The following ATPSCKMT variants were observed in gnomAD, a reference collection of about 807,000 sequenced individuals.
ATPSCKMT encodes the protein ATP synthase c subunit lysine N-methyltransferase, also known as ATP synthase subunit C lysine N-methyltransferase.
Under a neutral mutation model 24.3 loss-of-function variants are expected in ATPSCKMT, and 24 were observed. That is an observed-to-expected ratio of 0.99 (90% CI 0.71 to 1.39). The LOEUF is 1.39. ATPSCKMT is among the 40% of genes most tolerant of loss of function. The pLI is 0.00. For missense variants in ATPSCKMT, 311 were observed against 298.4 expected, an observed-to-expected ratio of 1.04 and a Z score of -0.31; for synonymous variants, 95 against 110.5, an observed-to-expected ratio of 0.86 and a Z score of 0.88.
chr5:10,245,064 C>T (rs139637329), intron 1 of ATPSCKMT, among the ~76,000 whole-genome samples: 8 of 152,236 alleles, frequency 5.3e-5, no homozygotes, highest in African/African-American at 1.9e-4. Flanking sequence ...AGTTGTTTAA[C>T]ACAAGGTAAG....
At position 10,239,329 on chromosome 5, in the gene ATPSCKMT, T is replaced by G; in HGVS notation, c.44A>C (p.Glu15Ala). 1.2e-6 allele frequency: 2 copies of G among 1,614,114 alleles called. No homozygotes were observed. The highest frequency in any genetic ancestry group is 1.7e-6 in the Non-Finnish European group (2 of 1,180,008). The change falls in exon 2 of 5, where the codon GAA (glutamate) becomes GCA (alanine). Residue 15 changes from glutamate (E) to alanine (A), a missense_variant. Coordinates refer to ENST00000511437, the MANE Select transcript of ATPSCKMT (RefSeq NM_199133.4). ...AGGTAGAACATGTCTTGACTGACTT[T>G]CTTCTTTAAGTGTTTCTAGGGGTAT... ...GGIPLETLKE[E>A]SQSRHVLPAS...
chr5:10,239,238 A>G lies in ATPSCKMT; in HGVS notation c.135T>C (p.Gly45=). ...NWGFLLTGLV[G]GTLVAVYAVA... ...CAGCGTACACAGCCACCAGGGTGCC[A>G]CCCACAAGCCCAGTAAGTAAGAACC... Residue 45 remains glycine, a synonymous_variant, in exon 2 of 5, where the codon GGT becomes GGC. Transcript: ENST00000511437. 1 of 1,614,190 alleles carries G rather than the reference A, an allele frequency of 6.2e-7. No homozygotes were observed. Among genetic ancestry groups the G allele is most frequent in the South Asian group, 1.1e-5 (1 of 91,088 alleles).
chr5:10,244,909 C>CAAA (rs60578858), intron 1 of ATPSCKMT, among the ~76,000 whole-genome samples: 86 of 137,194 alleles, frequency 6.3e-4, no homozygotes, highest in East Asian at 2.3e-3. Flanking sequence ...CCCTGGTTGT[C>CAAA]AAAAAAAAAA....
In ATPSCKMT at chr5:10,246,629, G is replaced by C. The variant is rs2607304; in HGVS notation, c.16+3229C>G. 5.3e-5 allele frequency among the ~76,000 whole-genome samples: 8 copies of C among 152,268 alleles called. No homozygotes were observed. The East Asian group carries it at 1.5e-3, about 29-fold the overall frequency. On this transcript the variant is annotated intron_variant, in intron 1 of 4. Transcript: ENST00000511437. ...TGGCTTAATAATATTCCATTGTATG[G>C]ATATGCCATATTTTTGCTTACGCAT... is the stretch of plus-strand genomic sequence containing the variant.
At chr5:10,228,097 G>A (rs935958361) in intron 4 of ATPSCKMT, among the ~76,000 whole-genome samples, 2 of 152,024 alleles carry the variant, frequency 1.3e-5, no homozygotes, top group African/African-American at 2.4e-5. Context: ...TGCCCACCTC[G>A]GCCTCCCAAA....
At chr5:10,237,919 G>T (rs1042252911) in intron 2 of ATPSCKMT, among the ~76,000 whole-genome samples, 2 of 152,010 alleles carry the variant, frequency 1.3e-5, no homozygotes, top group African/African-American at 4.8e-5. Context: ...GCTAATTTTT[G>T]TATTTTTAGT....
chr5:10,232,040 G>A (rs983216393), intron 4 of ATPSCKMT, among the ~76,000 whole-genome samples: 4 of 152,094 alleles, frequency 2.6e-5, no homozygotes, highest in African/African-American at 4.8e-5. Flanking sequence ...CTGTCCCTGC[G>A]AAAACTAAAA....
chr5:10,227,809 A>G (rs1161786487), intron 4 of ATPSCKMT, among the ~76,000 whole-genome samples, 162 bp from the exon 5 acceptor site: 3 of 152,236 alleles, frequency 2.0e-5, no homozygotes, highest in African/African-American at 7.2e-5. Context: ...ATCCATTGAA[A>G]TACAGAAGAT....
intron 1 of ATPSCKMT, 148 bp downstream of exon 1, chr5:10,249,710 G>A: frequency 7.8e-7 from 1 of 1,286,142 alleles, no homozygotes; most frequent in South Asian, 1.7e-5. Context: ...CAGGAGCTCT[G>A]GTCACCGAAG....
intron 4 of ATPSCKMT, among the ~76,000 whole-genome samples, chr5:10,234,985 C>T (rs1030408697): frequency 4.6e-5 from 7 of 152,206 alleles, no homozygotes; most frequent in African/African-American, 1.7e-4. Flanking sequence ...TTAGGGAAAT[C>T]ATTGAGAATT....
chr5:10,233,810 A>G (rs537472003), intron 4 of ATPSCKMT, among the ~76,000 whole-genome samples: 2 of 152,344 alleles, frequency 1.3e-5, no homozygotes, highest in East Asian at 1.9e-4. Context: ...GTCTCCAAAA[A>G]GCTAACAATT....
At chr5:10,243,741 G>A (rs1744756306) in intron 1 of ATPSCKMT, among the ~76,000 whole-genome samples, 1 of 152,198 alleles carries the variant, frequency 6.6e-6, no homozygotes, top group Non-Finnish European at 1.5e-5. Flanking sequence ...ATTAGGCTTT[G>A]GCTTAAAGAT....
chr5:10,236,875 C>T (rs1178372905), intron 2 of ATPSCKMT: 1 of 1,437,516 alleles, frequency 7.0e-7, no homozygotes, highest in South Asian at 1.2e-5. Flanking sequence ...TCACTTGGAA[C>T]ACCTCCATAA....
At chr5:10,242,566 A>G (rs923604698) in intron 1 of ATPSCKMT, among the ~76,000 whole-genome samples, 1 of 152,118 alleles carries the variant, frequency 6.6e-6, no homozygotes, top group Admixed American at 6.6e-5. Context: ...ACTTCTTCCA[A>G]ACTCCTATTA....
chr5:10,240,098 G>C (rs1306754463), intron 1 of ATPSCKMT, among the ~76,000 whole-genome samples: 1 of 151,720 alleles, frequency 6.6e-6, no homozygotes, highest in Non-Finnish European at 1.5e-5. Context: ...GCCGGGCGTG[G>C]TGGCGGGCGC....
chr5:10,236,133 A>T, intron 3 of ATPSCKMT: 1 of 193,774 alleles, frequency 5.2e-6, no homozygotes. Context: ...ACACACTCAC[A>T]CAGGCACACA....
chr5:10,230,403 G>C (rs1228353264), intron 4 of ATPSCKMT, among the ~76,000 whole-genome samples: 1 of 152,212 alleles, frequency 6.6e-6, no homozygotes, highest in East Asian at 1.9e-4. Flanking sequence ...ACTTATTCAT[G>C]ATGCTATTAT....
At chr5:10,249,676 C>T in intron 1 of ATPSCKMT, 182 bp downstream of exon 1, 3 of 978,486 alleles carry the variant, frequency 3.1e-6, no homozygotes, top group Non-Finnish European at 2.9e-6. Context: ...ATCGCCAGAA[C>T]CGGCGCGGGC....
In ATPSCKMT at chr5:10,226,497, T is replaced by A. The variant is rs1338059481; in HGVS notation, c.*944A>T. On this transcript the variant is annotated 3_prime_UTR_variant, in exon 5 of 5. Coordinates refer to ENST00000511437, the MANE Select transcript of ATPSCKMT (RefSeq NM_199133.4). ...ATTCAATATTCACTTTACAGATATA[T>A]GAAGCTTGTCTACTCACGTTCAAAG... 1 of 152,256 alleles carries A rather than the reference T, an allele frequency of 6.6e-6. No individual in the cohort carries two copies. The highest frequency in any genetic ancestry group is 2.4e-5 in the African/African-American group (1 of 41,474). 9.4% of individuals were successfully genotyped at this position (152,256 alleles called of 1,614,324 possible). A position where few individuals can be genotyped will look rare whatever the true frequency, so the allele number is the denominator to read the frequency against.
Sources: allele counts gnomAD v4.1 joint callset (sites outside exome capture counted in the v4.1 genomes callset), GRCh38; gene constraint gnomAD v4.1.1; transcripts MANE v1.5; gene names NCBI Gene and HGNC (gene_info 2026-07-23, HGNC 2026-07-21).